Variants in RASEF observed in about 807,000 individuals in gnomAD.
RASEF encodes the protein ras and EF-hand domain-containing protein.
RASEF carries 68 observed loss-of-function variants against 90.1 expected under a neutral mutation model. That is an observed-to-expected ratio of 0.75 (90% CI 0.62 to 0.92). The LOEUF is 0.92. RASEF is among the 40% of genes least tolerant of loss of function. The probability of loss-of-function intolerance (pLI) is 0.00; values close to 1 mark genes in which losing one functional copy is unlikely to be tolerated. For missense variants in RASEF, 949 were observed against 937.2 expected (o/e 1.01, Z -0.16); for synonymous variants, 331 against 345.2 (o/e 0.96, Z 0.46).
chr9:83,196,536 T>G, the RASEF span, among the ~76,000 whole-genome samples: 3 of 152,198 alleles, frequency 2.0e-5, no homozygotes, highest in Non-Finnish European at 4.4e-5. Context: ...GGCCCCTTGA[T>G]AAGATGAAGA....
chr9:83,105,595 A>G, the RASEF span, among the ~76,000 whole-genome samples: 2 of 152,230 alleles, frequency 1.3e-5, no homozygotes, highest in African/African-American at 2.4e-5. Context: ...GAATTTTCCC[A>G]GAATAGCAAA....
At chr9:83,055,147 G>C (rs866919676) in intron 1 of RASEF, 257 of 167,602 alleles carry the variant, frequency 1.5e-3, no homozygotes, top group Non-Finnish European at 2.8e-3. Flanking sequence ...CCCCAGCCTC[G>C]TTGCCGCCTT....
intron 16 of RASEF, among the ~76,000 whole-genome samples, chr9:82,983,372 T>G (rs1828652752): frequency 6.6e-6 from 1 of 152,202 alleles, no homozygotes; most frequent in African/African-American, 2.4e-5. Context: ...ATCGTAAGCT[T>G]CTTCCAGTAT....
At chr9:83,171,130 T>C in the RASEF span, among the ~76,000 whole-genome samples, 1 of 151,842 alleles carries the variant, frequency 6.6e-6, no homozygotes, top group Non-Finnish European at 1.5e-5. Flanking sequence ...AGAGATATTA[T>C]CATGAAGAGA....
chr9:83,043,964 G>A (rs763307862), intron 1 of RASEF, among the ~76,000 whole-genome samples: 8 of 152,110 alleles, frequency 5.3e-5, no homozygotes, highest in Non-Finnish European at 8.8e-5. Flanking sequence ...TGCTGGGAAC[G>A]GAATAATGAA....
At position 83,062,430 on chromosome 9, in the gene RASEF, CT is replaced by C; in HGVS notation, c.431+6del. On this transcript the variant is annotated splice_donor_region_variant and intron_variant, in intron 1 of 16. Transcript: ENST00000376447. ...AATAACCTCCCGCCCCCAGCTCACA[CT>C]CGCACCTGGGAATGAACTTGGCTTC... 3 of 1,612,666 alleles carry C rather than the reference CT, an allele frequency of 1.9e-6. No individual in the cohort carries two copies. Among genetic ancestry groups the C allele is most frequent in the Non-Finnish European group, 2.5e-6 (3 of 1,179,428 alleles).
At chr9:83,060,737 T>C (rs1830188292) in intron 1 of RASEF, among the ~76,000 whole-genome samples, 1 of 152,144 alleles carries the variant, frequency 6.6e-6, no homozygotes, top group Non-Finnish European at 1.5e-5. Context: ...AGCAACTCAG[T>C]TTAGATCTCT....
At chr9:82,983,978 C>T (rs1164612008) in intron 16 of RASEF, among the ~76,000 whole-genome samples, 1 of 152,218 alleles carries the variant, frequency 6.6e-6, no homozygotes, top group Non-Finnish European at 1.5e-5. Context: ...ATCCAGCCAC[C>T]TCTGCCAACT....
At chr9:83,008,434 G>A (rs553099992) in intron 6 of RASEF, among the ~76,000 whole-genome samples, 12 of 151,750 alleles carry the variant, frequency 7.9e-5, no homozygotes, top group Middle Eastern at 3.4e-3. Context: ...TCCCCAAGCC[G>A]TATCCTTCCC....
Position 83,056,581 on chromosome 9 carries a change from T to C in RASEF, c.431+5856A>G, listed in dbSNP as rs143014734. ...GATACGGCTACTTTCATTGTACAAA[T>C]GAAAAAAGATTGGATAACCTGGGCA... On this transcript the variant is annotated intron_variant, in intron 1 of 16. Transcript: ENST00000376447. Among the ~76,000 whole-genome samples, 419 of 152,188 alleles carry C rather than the reference T, an allele frequency of 2.8e-3. 16 individuals carry two copies. The East Asian group carries it at 0.069, about 25-fold the overall frequency.
chr9:83,168,268 C>T, the RASEF span, among the ~76,000 whole-genome samples: 1 of 152,116 alleles, frequency 6.6e-6, no homozygotes, highest in Non-Finnish European at 1.5e-5. Flanking sequence ...ATATGAGCAT[C>T]TTTTCCTGTG....
the RASEF span, among the ~76,000 whole-genome samples, chr9:83,212,072 G>GTA: frequency 6.6e-6 from 1 of 152,104 alleles, no homozygotes; most frequent in African/African-American, 2.4e-5. Context: ...TTATATGTAT[G>GTA]TATATATGTA....
At chr9:83,152,079 G>C in the RASEF span, among the ~76,000 whole-genome samples, 1 of 152,118 alleles carries the variant, frequency 6.6e-6, no homozygotes, top group Admixed American at 6.6e-5. Context: ...TTGAGAACAG[G>C]ACTGAATTTT....
the RASEF span, among the ~76,000 whole-genome samples, chr9:83,118,189 C>T: frequency 1.3e-5 from 2 of 152,004 alleles, no homozygotes; most frequent in Non-Finnish European, 2.9e-5. Flanking sequence ...TACCTGGTTC[C>T]GTGCTTTTTA....
the RASEF span, among the ~76,000 whole-genome samples, chr9:83,116,551 G>T: frequency 2.6e-5 from 4 of 152,244 alleles, no homozygotes; most frequent in African/African-American, 9.6e-5. Context: ...ATCAAAGTAG[G>T]CTGTAAGAAA....
chr9:83,212,056 A>C, the RASEF span, among the ~76,000 whole-genome samples: 4 of 152,288 alleles, frequency 2.6e-5, no homozygotes, highest in African/African-American at 7.2e-5. Context: ...GTGTGTGTAC[A>C]TATATTTATA....
chr9:83,057,603 T>G (rs58372258), intron 1 of RASEF, among the ~76,000 whole-genome samples: 10,178 of 151,988 alleles, frequency 0.067, 804 homozygotes, highest in African/African-American at 0.19. Flanking sequence ...GAAACTTCCA[T>G]AAAACCTATG....
the RASEF span, among the ~76,000 whole-genome samples, chr9:83,199,466 AC>A: frequency 6.6e-6 from 1 of 152,174 alleles, no homozygotes; most frequent in African/African-American, 2.4e-5. Flanking sequence ...CCAGAATGAG[AC>A]TGTCATGTAC....
At chr9:83,093,519 C>G in the RASEF span, among the ~76,000 whole-genome samples, 2 of 152,374 alleles carry the variant, frequency 1.3e-5, no homozygotes, top group South Asian at 4.1e-4. Flanking sequence ...CCCAGTACAC[C>G]CTCCGCAGCT....
Sources: gnomAD v4.1 joint callset for allele counts (sites outside exome capture counted in the v4.1 genomes callset) on GRCh38, gnomAD v4.1.1 for gene constraint, MANE v1.5 for transcripts, NCBI Gene and HGNC (gene_info 2026-07-23, HGNC 2026-07-21) for gene names.